The following GABRB1 variants were observed in gnomAD, a reference collection of about 807,000 sequenced individuals.
GABRB1 encodes gamma-aminobutyric acid receptor subunit beta-1.
In GABRB1, 17 loss-of-function variants were observed where a neutral mutation model predicts 51.6. The ratio of observed to expected loss-of-function variants is 0.33; its 90% CI spans 0.23 to 0.49. GABRB1 has a LOEUF of 0.49. Among genes scored for constraint, GABRB1 ranks in the 20% least tolerant of loss-of-function variants. The probability of loss-of-function intolerance (pLI) is 0.99; values close to 1 mark genes in which losing one functional copy is unlikely to be tolerated. For synonymous variants in GABRB1, 247 were observed against 218.9 expected, an observed-to-expected ratio of 1.13 and a Z score of -1.14; for missense variants, 410 against 600.6, an observed-to-expected ratio of 0.68 and a Z score of 3.32.
chr4:47,022,861 A>G (rs1387601582), intron 1 of GABRB1, among the ~76,000 whole-genome samples: 2 of 152,132 alleles, frequency 1.3e-5, no homozygotes, highest in Non-Finnish European at 2.9e-5. Flanking sequence ...TATCAAAGAG[A>G]TATCTCCACT....
intron 4 of GABRB1, among the ~76,000 whole-genome samples, chr4:47,224,395 G>A (rs774028874): frequency 1.8e-4 from 28 of 152,196 alleles, no homozygotes; most frequent in Non-Finnish European, 2.9e-4. Context: ...TGCAATAGAG[G>A]AGAGAGATGA....
intron 1 of GABRB1, among the ~76,000 whole-genome samples, chr4:47,021,076 T>C: frequency 6.6e-6 from 1 of 152,188 alleles, no homozygotes; most frequent in Non-Finnish European, 1.5e-5. Flanking sequence ...CAGGTCTTCC[T>C]TAACCACTCT....
intron 5 of GABRB1, among the ~76,000 whole-genome samples, chr4:47,400,334 C>G (rs1268371772): frequency 6.6e-6 from 1 of 152,214 alleles, no homozygotes; most frequent in African/African-American, 2.4e-5. Flanking sequence ...CAGTTCTTTT[C>G]ACTAGATGAT....
intron 3 of GABRB1, among the ~76,000 whole-genome samples, chr4:47,078,153 C>A (rs1727657875): frequency 6.6e-6 from 1 of 150,832 alleles, no homozygotes; most frequent in East Asian, 2.0e-4. Context: ...CCATGCCTGG[C>A]TAATTTTATA....
chr4:47,003,781 T>A (rs184252373), intron 1 of GABRB1, among the ~76,000 whole-genome samples: 88 of 152,256 alleles, frequency 5.8e-4, no homozygotes, highest in African/African-American at 1.9e-3. Context: ...CAGTGAGGCG[T>A]TTATTCTGCT....
intron 3 of GABRB1, among the ~76,000 whole-genome samples, chr4:47,034,106 A>G (rs1276770882): frequency 1.3e-5 from 2 of 152,204 alleles, no homozygotes; most frequent in Admixed American, 1.3e-4. Flanking sequence ...TTCCTTTGGT[A>G]TCTTGTAAGC....
intron 3 of GABRB1, among the ~76,000 whole-genome samples, chr4:47,097,013 C>T (rs540745795): frequency 2.6e-5 from 4 of 152,258 alleles, no homozygotes; most frequent in South Asian, 4.1e-4. Context: ...AGAAAACTAC[C>T]ACAGTTGGGT....
chr4:47,052,493 C>A (rs1220015286), intron 3 of GABRB1, among the ~76,000 whole-genome samples: 1 of 152,198 alleles, frequency 6.6e-6, no homozygotes, highest in Non-Finnish European at 1.5e-5. Flanking sequence ...TACTTACAAG[C>A]ATATGGCTAT....
chr4:46,996,777 A>G (rs1724013316), intron 1 of GABRB1, among the ~76,000 whole-genome samples: 1 of 152,140 alleles, frequency 6.6e-6, no homozygotes, highest in Admixed American at 6.5e-5. Context: ...TTGTCAATTT[A>G]TCATATGTCC....
At chr4:47,254,756 T>A (rs1038619631) in intron 4 of GABRB1, among the ~76,000 whole-genome samples, 4 of 152,208 alleles carry the variant, frequency 2.6e-5, no homozygotes, top group African/African-American at 9.6e-5. Flanking sequence ...TCAGCCTCTT[T>A]TCTGGCAATA....
intron 3 of GABRB1, among the ~76,000 whole-genome samples, chr4:47,123,726 T>TATATC (rs1347365079): frequency 2.3e-5 from 2 of 86,998 alleles, no homozygotes; most frequent in Non-Finnish European, 4.0e-5. Flanking sequence ...TGATATATGA[T>TATATC]ATATCATATA....
At chr4:47,375,629 T>C (rs768852896) in intron 5 of GABRB1, among the ~76,000 whole-genome samples, 1 of 152,196 alleles carries the variant, frequency 6.6e-6, no homozygotes, top group Admixed American at 6.5e-5. Context: ...ATCTGGCAAA[T>C]TGAGCTTCTT....
rs60968247 is a variant in GABRB1, at chr4:47,246,337, C to CATAT, written c.462-73734_462-73731dup. On this transcript the variant is annotated intron_variant, in intron 4 of 8. Coordinates refer to ENST00000295454, the MANE Select transcript of GABRB1 (RefSeq NM_000812.4). ...ACACACACACACACACACATATGTA[C>CATAT]ATATATATATATATATATATATATA... is the stretch of plus-strand genomic sequence containing the variant. 6.9e-4 allele frequency among the ~76,000 whole-genome samples: 37 copies of CATAT among 53,282 alleles called. 1 individual carries two copies. Among genetic ancestry groups the CATAT allele is most frequent in the Admixed American group, 1.2e-3 (4 of 3,210 alleles). 35.0% of individuals were successfully genotyped at this position (53,282 alleles called of 152,430 possible).
intron 2 of GABRB1, 105 bp downstream of exon 2, chr4:47,032,110 G>C: frequency 1.4e-6 from 1 of 714,756 alleles, no homozygotes. Context: ...ATTTTCGTAA[G>C]CGTGCACTAT....
At chr4:47,419,483 G>A (rs909669612) in intron 8 of GABRB1, among the ~76,000 whole-genome samples, 21 of 152,282 alleles carry the variant, frequency 1.4e-4, no homozygotes, top group African/African-American at 4.6e-4. Context: ...TGTTGGAAAG[G>A]GCACTGATAA....
intron 4 of GABRB1, among the ~76,000 whole-genome samples, chr4:47,201,827 T>A (rs565484671): frequency 4.9e-4 from 74 of 152,162 alleles, no homozygotes; most frequent in Non-Finnish European, 9.6e-4. Context: ...TTTACTAGCA[T>A]GTAATAAGAT....
intron 5 of GABRB1, among the ~76,000 whole-genome samples, chr4:47,357,106 T>C (rs1429784663): frequency 6.6e-6 from 1 of 152,254 alleles, no homozygotes; most frequent in Non-Finnish European, 1.5e-5. Context: ...CCTTTCTTTC[T>C]TGTAATAAGA....
chr4:47,204,802 G>T (rs1720049518), intron 4 of GABRB1, among the ~76,000 whole-genome samples: 1 of 152,144 alleles, frequency 6.6e-6, no homozygotes, highest in Non-Finnish European at 1.5e-5. Flanking sequence ...CAGCCACGTG[G>T]AACTGTGAGT....
At chr4:47,115,439 T>A (rs965985517) in intron 3 of GABRB1, among the ~76,000 whole-genome samples, 2 of 152,090 alleles carry the variant, frequency 1.3e-5, no homozygotes, top group Non-Finnish European at 1.5e-5. Flanking sequence ...TGGAAAAAGA[T>A]CTAGTATAAG....
Sources: allele counts gnomAD v4.1 joint callset (sites outside exome capture counted in the v4.1 genomes callset), GRCh38; gene constraint gnomAD v4.1.1; transcripts MANE v1.5; gene names NCBI Gene and HGNC (gene_info 2026-07-23, HGNC 2026-07-21).